The following VWA8 variants were observed in gnomAD, a reference collection of about 807,000 sequenced individuals.
The protein encoded by VWA8 is von Willebrand factor A domain-containing protein 8.
Under a neutral mutation model 241.5 loss-of-function variants are expected in VWA8, and 221 were observed. The observed-to-expected ratio is 0.91, with a 90% confidence interval of 0.82 to 1.02. The LOEUF is 1.02. VWA8 is among the 50% of genes least tolerant of loss of function. VWA8 has a pLI of 0.00. For missense variants in VWA8, 2,322 were observed against 2,328.7 expected (o/e 1.00, Z 0.06); for synonymous variants, 852 against 827.1 (o/e 1.03, Z -0.52).
In VWA8 at chr13:41,811,904, T is replaced by C. The variant is rs553220972; in HGVS notation, c.1948-564A>G. On this transcript the variant is annotated intron_variant, in intron 16 of 44. Transcript: ENST00000379310. Reference sequence around the variant, plus strand: ...ATTACATTTCCCAAAATTCCACGAATAGAGTTGCTAGTACAGAACTCAGGA... The same window carrying C: ...ATTACATTTCCCAAAATTCCACGAACAGAGTTGCTAGTACAGAACTCAGGA... Among the ~76,000 whole-genome samples the C allele has an allele frequency of 2.6e-5, 4 of 152,330 alleles. No individual in the cohort carries two copies. The East Asian group carries it at 5.8e-4, about 22-fold the overall frequency.
intron 40 of VWA8, among the ~76,000 whole-genome samples, chr13:41,600,627 C>T (rs189305618): frequency 6.6e-6 from 1 of 152,206 alleles, no homozygotes; most frequent in African/African-American, 2.4e-5. Context: ...TCCTGAACTC[C>T]AAATTCAGGT....
chr13:41,768,876 T>A (rs992067588), intron 20 of VWA8, among the ~76,000 whole-genome samples: 1 of 151,128 alleles, frequency 6.6e-6, no homozygotes, highest in African/African-American at 2.4e-5. Context: ...TGATGCTGAC[T>A]AGAATAAATC....
chr13:41,918,053 C>T (rs1876341191), intron 2 of VWA8, among the ~76,000 whole-genome samples: 1 of 152,140 alleles, frequency 6.6e-6, no homozygotes, highest in African/African-American at 2.4e-5. Context: ...GCACCAAAGT[C>T]CTCATTATTT....
At chr13:41,684,714 T>C (rs996747466) in intron 35 of VWA8, among the ~76,000 whole-genome samples, 3 of 152,158 alleles carry the variant, frequency 2.0e-5, no homozygotes, top group South Asian at 2.1e-4. Context: ...CTTTCAGTCT[T>C]AGGAGTTTAA....
At chr13:41,918,841 C>T (rs956860144) in intron 2 of VWA8, among the ~76,000 whole-genome samples, 12 of 151,926 alleles carry the variant, frequency 7.9e-5, no homozygotes, top group Non-Finnish European at 1.0e-4. Context: ...TTTTTTAAAA[C>T]ACTAGATACG....
chr13:41,688,957 G>A (rs183102667), intron 34 of VWA8, among the ~76,000 whole-genome samples: 2 of 152,090 alleles, frequency 1.3e-5, no homozygotes, highest in East Asian at 1.9e-4. Flanking sequence ...ACCTGCACAC[G>A]TACACTTGAA....
At chr13:41,709,040 T>G (rs2045300323) in intron 26 of VWA8, among the ~76,000 whole-genome samples, 1 of 152,202 alleles carries the variant, frequency 6.6e-6, no homozygotes. Flanking sequence ...TTTCTAATCG[T>G]CCACGACAAG....
At chr13:41,723,015 C>T (rs2045405081) in intron 24 of VWA8, among the ~76,000 whole-genome samples, 2 of 152,114 alleles carry the variant, frequency 1.3e-5, no homozygotes, top group African/African-American at 2.4e-5. Flanking sequence ...TTAGCAGAGG[C>T]GTGGACTACT....
At chr13:41,795,506 T>C (rs774613101) in intron 17 of VWA8, among the ~76,000 whole-genome samples, 7 of 152,202 alleles carry the variant, frequency 4.6e-5, no homozygotes, top group East Asian at 3.9e-4. Flanking sequence ...CTTATGTTCA[T>C]TGCAGCACTA....
At chr13:41,893,323 A>C (rs1408121875) in intron 4 of VWA8, among the ~76,000 whole-genome samples, 2 of 152,182 alleles carry the variant, frequency 1.3e-5, no homozygotes, top group Non-Finnish European at 2.9e-5. Flanking sequence ...TAAAATGATA[A>C]ACTTTATGAA....
chr13:41,901,792 G>A, intron 4 of VWA8, among the ~76,000 whole-genome samples: 1 of 144,232 alleles, frequency 6.9e-6, no homozygotes, highest in East Asian at 2.1e-4. Flanking sequence ...CTTGTACCCA[G>A]GAGGCAGAGG....
At chr13:41,956,929 A>G (rs1878374423) in intron 1 of VWA8, among the ~76,000 whole-genome samples, 1 of 152,214 alleles carries the variant, frequency 6.6e-6, no homozygotes, top group Non-Finnish European at 1.5e-5. Context: ...CATTTCTTTA[A>G]AAAAATGTAT....
At chr13:41,842,860 G>C (rs1872122449) in intron 12 of VWA8, among the ~76,000 whole-genome samples, 1 of 152,168 alleles carries the variant, frequency 6.6e-6, no homozygotes, top group South Asian at 2.1e-4. Context: ...TCATGTACAA[G>C]AGACTGGGAA....
rs777049867 is a variant in VWA8 at position 41,568,315 on chromosome 13, T to C, written c.5610-10A>G. The C allele has an allele frequency of 6.2e-7, 1 of 1,613,286 alleles. No individual in the cohort carries two copies. On this transcript the variant is annotated splice_polypyrimidine_tract_variant and intron_variant, in intron 44 of 44. Transcript: ENST00000379310. ...TAAAGTTCTCTGAAGCCTGCCAGGATGGAAAGGGAAAGGAAGTTACCACTG... is the reference window on the plus strand; with the variant it reads ...TAAAGTTCTCTGAAGCCTGCCAGGACGGAAAGGGAAAGGAAGTTACCACTG...
chr13:41,642,029 A>T (rs1041499914), intron 37 of VWA8, among the ~76,000 whole-genome samples: 10 of 152,220 alleles, frequency 6.6e-5, no homozygotes, highest in Non-Finnish European at 1.2e-4. Flanking sequence ...CAGCATAATT[A>T]TTAAAATGAT....
chr13:41,893,520 CA>C (rs35057591), intron 4 of VWA8, among the ~76,000 whole-genome samples: 2,236 of 141,566 alleles, frequency 0.016, 53 homozygotes, highest in African/African-American at 0.055. Flanking sequence ...AGAACAACAA[CA>C]AAAAAAAGAA....
At chr13:41,758,143 A>C (rs1399160316) in intron 21 of VWA8, among the ~76,000 whole-genome samples, 1 of 151,234 alleles carries the variant, frequency 6.6e-6, no homozygotes, top group East Asian at 1.9e-4. Context: ...GAAGCTCATC[A>C]TCTCACAAGT....
chr13:41,874,042 A>G (rs1175047668), intron 9 of VWA8, among the ~76,000 whole-genome samples: 2 of 152,102 alleles, frequency 1.3e-5, no homozygotes, highest in African/African-American at 4.8e-5. Flanking sequence ...ATGCAAATCA[A>G]TAAATGTAAT....
At chr13:41,905,895 C>T (rs1566501520) in intron 4 of VWA8, among the ~76,000 whole-genome samples, 1 of 152,066 alleles carries the variant, frequency 6.6e-6, no homozygotes, top group African/African-American at 2.4e-5. Flanking sequence ...TGCCAGATCT[C>T]ATCATTGTAA....
Sources: allele counts gnomAD v4.1 joint callset (sites outside exome capture counted in the v4.1 genomes callset), GRCh38; gene constraint gnomAD v4.1.1; transcripts MANE v1.5; gene names NCBI Gene and HGNC (gene_info 2026-07-23, HGNC 2026-07-21).